The following SLC2A12 variants were observed in gnomAD, a reference collection of about 807,000 sequenced individuals.
SLC2A12 encodes the protein solute carrier family 2, facilitated glucose transporter member 12.
SLC2A12 carries 23 observed loss-of-function variants against 41.8 expected under a neutral mutation model. The ratio of observed to expected loss-of-function variants is 0.55; its 90% CI spans 0.40 to 0.78. The LOEUF is 0.78. Among genes scored for constraint, SLC2A12 ranks in the 30% least tolerant of loss-of-function variants. The pLI is 0.00. For missense variants in SLC2A12, 654 were observed against 745.6 expected (o/e 0.88, Z 1.43); for synonymous variants, 295 against 285.9 (o/e 1.03, Z -0.32).
At chr6:134,051,436 G>A (rs981476277) in intron 1 of SLC2A12, among the ~76,000 whole-genome samples, 5 of 152,148 alleles carry the variant, frequency 3.3e-5, no homozygotes, top group Admixed American at 3.3e-4. Flanking sequence ...TTAGTGTATT[G>A]GATTTTGCAT....
intron 2 of SLC2A12, among the ~76,000 whole-genome samples, chr6:134,016,625 GC>G (rs1277121321): frequency 1.3e-5 from 2 of 151,776 alleles, no homozygotes; most frequent in Non-Finnish European, 2.9e-5. Context: ...ATAATAAACT[GC>G]CCTTTGTCTC....
At chr6:134,016,531 A>T (rs1209428432) in intron 2 of SLC2A12, among the ~76,000 whole-genome samples, 2 of 151,980 alleles carry the variant, frequency 1.3e-5, no homozygotes, top group Non-Finnish European at 2.9e-5. Flanking sequence ...TTTGTCTCTG[A>T]CCAAGGAATC....
At chr6:134,040,066 T>G (rs933692891) in intron 1 of SLC2A12, among the ~76,000 whole-genome samples, 2 of 146,998 alleles carry the variant, frequency 1.4e-5, no homozygotes, top group Non-Finnish European at 3.0e-5. Flanking sequence ...TTGTTTTTTT[T>G]TTTTTGTTTT....
At chr6:134,020,102 T>G (rs1383148619) in intron 2 of SLC2A12, among the ~76,000 whole-genome samples, 2 of 151,960 alleles carry the variant, frequency 1.3e-5, no homozygotes, top group Admixed American at 6.5e-5. Flanking sequence ...ACCCAATTAT[T>G]TTACAGTTAG....
At chr6:134,003,044 A>AT (rs1776771870) in intron 3 of SLC2A12, among the ~76,000 whole-genome samples, 1 of 152,208 alleles carries the variant, frequency 6.6e-6, no homozygotes, top group Non-Finnish European at 1.5e-5. Context: ...GAACAACAAG[A>AT]TTTTACAAAT....
At position 133,988,493 on chromosome 6, in the gene SLC2A12, T is replaced by C. The variant is rs1776569790; in HGVS notation, c.*2662A>G. ...TTTCCAAAATGTTTTTAAACCTTTG[T>C]GGAAAAATTGCAACATCCTAATCTC... On this transcript the variant is annotated 3_prime_UTR_variant, in exon 5 of 5. Coordinates refer to ENST00000275230, the MANE Select transcript of SLC2A12 (RefSeq NM_145176.3). 1 of 152,220 alleles carries C rather than the reference T, an allele frequency of 6.6e-6. No individual in the cohort carries two copies. The highest frequency in any genetic ancestry group is 1.5e-5 in the Non-Finnish European group (1 of 68,028). 9.4% of individuals were successfully genotyped at this position (152,220 alleles called of 1,614,324 possible).
At position 133,988,921 on chromosome 6, in the gene SLC2A12, A is replaced by G. The variant is rs975488152; in HGVS notation, c.*2234T>C. 24 of 152,328 alleles carry G rather than the reference A, an allele frequency of 1.6e-4. No individual in the cohort carries two copies. The highest frequency in any genetic ancestry group is 5.5e-4 in the African/African-American group (23 of 41,580). 9.4% of individuals were successfully genotyped at this position (152,328 alleles called of 1,614,324 possible). ...TTCACCAAAAAAAGAAACATAGAAT[A>G]GGGGGAAAACATGCTTATATAGCCA... is the stretch of plus-strand genomic sequence containing the variant. On this transcript the variant is annotated 3_prime_UTR_variant, in exon 5 of 5. Transcript: ENST00000275230.
rs376976562 is a variant in SLC2A12 at position 134,029,001 on chromosome 6, A to G, written c.824T>C (p.Met275Thr). The G allele has an allele frequency of 4.3e-6, 7 of 1,614,122 alleles. No individual in the cohort carries two copies. The highest frequency in any genetic ancestry group is 1.3e-5 in the African/African-American group (1 of 74,940). The change falls in exon 2 of 5, where the codon ATG (methionine) becomes ACG (threonine). Residue 275 changes from methionine to threonine, a missense_variant. Met to Thr is a moderately conservative substitution (Grantham distance 81). Around this residue, in one of 3 missense-constraint regions of SLC2A12, gnomAD observed 411 missense variants for 412.1 expected, o/e 1.00. Transcript: ENST00000275230. Reference sequence around the variant, plus strand: ...TAGTCCTATCATTATTCGGGTCCGCATGTTGTCTTTTGAACGAAACAGATC... The same window carrying G: ...TAGTCCTATCATTATTCGGGTCCGCGTGTTGTCTTTTGAACGAAACAGATC... ...FWDLFRSKDN[M>T]RTRIMIGLTL...
chr6:134,039,441 GC>G (rs1777350644), intron 1 of SLC2A12, among the ~76,000 whole-genome samples: 1 of 152,332 alleles, frequency 6.6e-6, no homozygotes, highest in East Asian at 1.9e-4. Flanking sequence ...GAAATCAGAT[GC>G]TTTCCATAAT....
Position 133,994,715 on chromosome 6 carries a change from A to G in SLC2A12, c.1701-3407T>C, listed in dbSNP as rs1362110583. Among the ~76,000 whole-genome samples, 6 of 152,196 alleles carry G rather than the reference A, an allele frequency of 3.9e-5. No homozygotes were observed. In the East Asian group the frequency reaches 7.7e-4, roughly 20 times the overall value. The stretch of plus-strand genomic sequence containing the variant: ...AACCTGGGCGACAGAGCGAGACTCC[A>G]TCTCAAACAAACAAACAAAAAAGAA... On this transcript the variant is annotated intron_variant, in intron 4 of 4. Coordinates refer to ENST00000275230, the MANE Select transcript of SLC2A12 (RefSeq NM_145176.3).
At chr6:134,047,757 T>C (rs1777479135) in intron 1 of SLC2A12, among the ~76,000 whole-genome samples, 1 of 152,232 alleles carries the variant, frequency 6.6e-6, no homozygotes, top group Non-Finnish European at 1.5e-5. Flanking sequence ...ATTTAACAAC[T>C]AGGACAGAGG....
intron 4 of SLC2A12, among the ~76,000 whole-genome samples, chr6:133,997,023 C>T (rs918599588): frequency 4.6e-4 from 65 of 141,898 alleles, no homozygotes; most frequent in African/African-American, 1.6e-3. Context: ...GGGCAGATCA[C>T]GAGGTCAGGA....
intron 4 of SLC2A12, among the ~76,000 whole-genome samples, chr6:133,993,190 A>G (rs1776646027): frequency 6.6e-6 from 1 of 152,148 alleles, no homozygotes; most frequent in African/African-American, 2.4e-5. Flanking sequence ...CTGACCAGAT[A>G]AGCTTATCTG....
At chr6:134,004,618 C>T (rs1032627961) in intron 3 of SLC2A12, among the ~76,000 whole-genome samples, 4 of 152,170 alleles carry the variant, frequency 2.6e-5, no homozygotes, top group African/African-American at 9.7e-5. Flanking sequence ...AGTCATGCTG[C>T]ATGTTCCTCA....
intron 2 of SLC2A12, among the ~76,000 whole-genome samples, chr6:134,023,464 GGTT>G (rs1335774808): frequency 4.6e-5 from 7 of 152,160 alleles, no homozygotes; most frequent in African/African-American, 1.7e-4. Context: ...TCAGCTTTGG[GGTT>G]GTTGTGTTTG....
At chr6:133,994,495 A>G (rs572825083) in intron 4 of SLC2A12, among the ~76,000 whole-genome samples, 21 of 152,310 alleles carry the variant, frequency 1.4e-4, no homozygotes, top group African/African-American at 4.6e-4. Context: ...TAGGAGGCCG[A>G]GGTGGGTGGA....
intron 1 of SLC2A12, among the ~76,000 whole-genome samples, chr6:134,032,106 T>C (rs1304046446): frequency 6.6e-6 from 1 of 151,942 alleles, no homozygotes; most frequent in Non-Finnish European, 1.5e-5. Flanking sequence ...TCTAGTGAAA[T>C]AAGCAGGTCA....
chr6:134,032,473 T>TATATAA (rs1562201776), intron 1 of SLC2A12, among the ~76,000 whole-genome samples: 16 of 59,824 alleles, frequency 2.7e-4, no homozygotes, highest in African/African-American at 7.3e-4. Flanking sequence ...TATTTTTATA[T>TATATAA]ATATATATAT....
At chr6:134,023,864 T>C (rs1203334528) in intron 2 of SLC2A12, among the ~76,000 whole-genome samples, 2 of 152,078 alleles carry the variant, frequency 1.3e-5, no homozygotes, top group Non-Finnish European at 2.9e-5. Context: ...TAGGCCAGAG[T>C]CTGTTACTGT....
Sources: allele counts gnomAD v4.1 joint callset (sites outside exome capture counted in the v4.1 genomes callset), GRCh38; gene constraint gnomAD v4.1.1; regional missense constraint gnomAD v4.1.1; transcripts MANE v1.5; gene names NCBI Gene and HGNC (gene_info 2026-07-23, HGNC 2026-07-21).